Variants in PKP4 observed in about 807,000 individuals in gnomAD.
PKP4 encodes the protein plakophilin 4, also known as plakophilin-4.
PKP4 carries 90 observed loss-of-function variants against 145.1 expected under a neutral mutation model. The ratio of observed to expected loss-of-function variants is 0.62; its 90% CI spans 0.52 to 0.74. The LOEUF (loss-of-function observed/expected upper bound fraction) is 0.74, where lower values mean the gene tolerates loss of function less well. Among genes scored for constraint, PKP4 ranks in the 30% least tolerant of loss-of-function variants. The probability of loss-of-function intolerance (pLI) is 0.00; values close to 1 mark genes in which losing one functional copy is unlikely to be tolerated. For synonymous variants in PKP4, 563 were observed against 577.2 expected (o/e 0.98, Z 0.35); for missense variants, 1,340 against 1,482.7 (o/e 0.90, Z 1.58).
rs543687073 is a variant in PKP4, at chr2:158,604,262, A to G, written c.280+1158A>G. 3.9e-5 allele frequency among the ~76,000 whole-genome samples: 6 copies of G among 152,288 alleles called. No individual in the cohort carries two copies. The South Asian group carries it at 1.2e-3, about 32-fold the overall frequency. On this transcript the variant is annotated intron_variant, in intron 4 of 21. Transcript: ENST00000389759. ...CACTGGGCAAAAGAAGAGACAACAC[A>G]AGTGTCACGGGAAGGGAACATTTAA...
At chr2:158,467,302 A>G (rs1474292143) in intron 1 of PKP4, among the ~76,000 whole-genome samples, 3 of 152,190 alleles carry the variant, frequency 2.0e-5, no homozygotes, top group Non-Finnish European at 4.4e-5. Context: ...TAATCAAGAT[A>G]CACAACATTT....
chr2:158,542,317 A>G (rs1490092304), intron 2 of PKP4, among the ~76,000 whole-genome samples: 1 of 152,216 alleles, frequency 6.6e-6, no homozygotes, highest in East Asian at 1.9e-4. Flanking sequence ...ATAATGAAAA[A>G]GCAAATTTTT....
At chr2:158,640,881 G>GATACCAGATA (rs2054223679) in intron 10 of PKP4, 122 bp downstream of exon 10, 2 of 972,674 alleles carry the variant, frequency 2.1e-6, no homozygotes. Flanking sequence ...GGGATATTTT[G>GATACCAGATA]ATACCAGATA....
At chr2:158,635,513 A>G (rs1445400456) in intron 9 of PKP4, among the ~76,000 whole-genome samples, 2 of 152,148 alleles carry the variant, frequency 1.3e-5, no homozygotes, top group African/African-American at 4.8e-5. Context: ...TTTGAATTGT[A>G]GGTAATTTAG....
At chr2:158,557,305 T>C (rs1265445390) in intron 2 of PKP4, among the ~76,000 whole-genome samples, 1 of 152,180 alleles carries the variant, frequency 6.6e-6, no homozygotes, top group Non-Finnish European at 1.5e-5. Flanking sequence ...GTGTCAGATG[T>C]AGACTTACTG....
intron 1 of PKP4, among the ~76,000 whole-genome samples, chr2:158,528,164 G>T (rs2043132391): frequency 6.9e-6 from 1 of 144,338 alleles, no homozygotes; most frequent in African/African-American, 2.5e-5. Context: ...TGTAAATCAT[G>T]CTGCTATAAA....
At chr2:158,645,377 A>G (rs1366203201) in intron 11 of PKP4, among the ~76,000 whole-genome samples, 1 of 152,226 alleles carries the variant, frequency 6.6e-6, no homozygotes, top group African/African-American at 2.4e-5. Context: ...CAACACAGTC[A>G]CTGTGATTAC....
chr2:158,666,655 A>T (rs2057113651), intron 16 of PKP4, 92 bp downstream of exon 16: 1 of 1,076,554 alleles, frequency 9.3e-7, no homozygotes, highest in African/African-American at 1.6e-5. Context: ...ATGGCTTGTA[A>T]AATCATTAAC....
At chr2:158,520,356 G>A (rs1037757223) in intron 1 of PKP4, among the ~76,000 whole-genome samples, 32 of 152,306 alleles carry the variant, frequency 2.1e-4, no homozygotes, top group African/African-American at 7.7e-4. Context: ...TATTATTGAA[G>A]TGGATTCCTT....
At chr2:158,580,677 T>C (rs1559352109) in intron 3 of PKP4, among the ~76,000 whole-genome samples, 1 of 152,198 alleles carries the variant, frequency 6.6e-6, no homozygotes, top group South Asian at 2.1e-4. Context: ...TAGGAATCTA[T>C]TATGAAATTT....
intron 2 of PKP4, among the ~76,000 whole-genome samples, chr2:158,545,343 G>A (rs1421350115): frequency 2.6e-5 from 4 of 152,002 alleles, no homozygotes; most frequent in Non-Finnish European, 5.9e-5. Context: ...TTGGAAATAA[G>A]GACGAGAAAG....
chr2:158,642,638 A>G lies in PKP4; in HGVS notation c.1848A>G (p.Ile616Met). ...NKIAMKNVGG[I>M]PALLRLLRKS... ...TAGCAATGAAGAATGTTGGTGGGAT[A>G]CCTGCCTTGTTGCGACTGTTGAGAA... Residue 616 changes from isoleucine to methionine, a missense_variant, in exon 11 of 22, where the codon ATA becomes ATG. Ile to Met is a conservative substitution (Grantham distance 10). Coordinates refer to ENST00000389759, the MANE Select transcript of PKP4 (RefSeq NM_003628.6). 6.2e-7 allele frequency: 1 copy of G among 1,613,078 alleles called. No individual in the cohort carries two copies. The highest frequency in any genetic ancestry group is 8.5e-7 in the Non-Finnish European group (1 of 1,179,276).
intron 1 of PKP4, chr2:158,457,535 C>T (rs75062315): frequency 2.6e-5 from 4 of 152,332 alleles, no homozygotes; most frequent in African/African-American, 9.6e-5. Context: ...TGTTCGGATT[C>T]AGAGCTCCCA....
intron 3 of PKP4, among the ~76,000 whole-genome samples, chr2:158,590,845 C>G (rs1163132643): frequency 6.6e-6 from 1 of 152,024 alleles, no homozygotes; most frequent in Non-Finnish European, 1.5e-5. Context: ...AGAAGTTTTA[C>G]AATGAATGGA....
intron 3 of PKP4, among the ~76,000 whole-genome samples, chr2:158,596,846 T>C (rs2049797675): frequency 2.6e-5 from 4 of 152,184 alleles, no homozygotes. Flanking sequence ...CTTACGGTTT[T>C]TGAGCTGTGG....
At chr2:158,518,752 G>A (rs183815516) in intron 1 of PKP4, among the ~76,000 whole-genome samples, 3 of 152,210 alleles carry the variant, frequency 2.0e-5, no homozygotes, top group East Asian at 3.9e-4. Context: ...CTGAGTCCTG[G>A]TATGTCCTAA....
At chr2:158,501,483 C>T (rs1303773950) in intron 1 of PKP4, among the ~76,000 whole-genome samples, 1 of 152,162 alleles carries the variant, frequency 6.6e-6, no homozygotes, top group African/African-American at 2.4e-5. Flanking sequence ...CTCTCCCTAC[C>T]CTGCACAGCC....
At chr2:158,507,953 C>A (rs1046725178) in intron 1 of PKP4, among the ~76,000 whole-genome samples, 2 of 152,128 alleles carry the variant, frequency 1.3e-5, no homozygotes, top group Non-Finnish European at 2.9e-5. Context: ...ACTTCCTTTA[C>A]CTCTGCTCTG....
chr2:158,519,689 T>C (rs150745049), intron 1 of PKP4, among the ~76,000 whole-genome samples: 1 of 152,328 alleles, frequency 6.6e-6, no homozygotes, highest in African/African-American at 2.4e-5. Context: ...GGCACGCTGA[T>C]GACATTTTTA....
Sources: gnomAD v4.1 joint callset for allele counts (sites outside exome capture counted in the v4.1 genomes callset) on GRCh38, gnomAD v4.1.1 for gene constraint, MANE v1.5 for transcripts, NCBI Gene and HGNC (gene_info 2026-07-23, HGNC 2026-07-21) for gene names.